The following FOXN2 variants were observed in gnomAD, a reference collection of about 807,000 sequenced individuals.
The protein encoded by FOXN2 is forkhead box protein N2.
FOXN2 carries 19 observed loss-of-function variants against 41.2 expected under a neutral mutation model. The ratio of observed to expected loss-of-function variants is 0.46; its 90% confidence interval spans 0.32 to 0.68. The LOEUF is 0.68. Ranked by LOEUF, FOXN2 falls within the 30% of genes least tolerant of loss-of-function variation. The pLI is 0.03. For synonymous variants in FOXN2, 195 were observed against 176.8 expected (o/e 1.10, Z -0.82); for missense variants, 587 against 509.4 (o/e 1.15, Z -1.47).
chr2:48,321,306 T>A (rs189521106), intron 1 of FOXN2, among the ~76,000 whole-genome samples: 69 of 152,150 alleles, frequency 4.5e-4, no homozygotes, highest in African/African-American at 1.6e-3. Context: ...GAGGCCAGGG[T>A]GGGCGGATCA....
intron 1 of FOXN2, among the ~76,000 whole-genome samples, chr2:48,318,264 C>CT (rs376770977): frequency 3.9e-5 from 6 of 152,032 alleles, no homozygotes; most frequent in South Asian, 2.1e-4. Flanking sequence ...TCCCTAATGT[C>CT]TTTTTTTTGT....
At chr2:48,331,027 CAG>C (rs769945385) in intron 2 of FOXN2, among the ~76,000 whole-genome samples, 13 of 152,140 alleles carry the variant, frequency 8.5e-5, no homozygotes, top group Non-Finnish European at 2.9e-5. Context: ...GTAGAAATAA[CAG>C]ATGGCATGGT....
At chr2:48,321,635 G>C (rs1255736986) in intron 1 of FOXN2, among the ~76,000 whole-genome samples, 3 of 151,862 alleles carry the variant, frequency 2.0e-5, no homozygotes, top group Non-Finnish European at 4.4e-5. Flanking sequence ...GTATTATTTA[G>C]TACATTTTAT....
At position 48,375,472 on chromosome 2, in the gene FOXN2, C is replaced by T. The variant is rs1255284697; in HGVS notation, c.*29C>T. 3.9e-6 allele frequency: 6 copies of T among 1,556,154 alleles called. No individual in the cohort carries two copies. Among genetic ancestry groups the T allele is most frequent in the African/African-American group, 1.4e-5 (1 of 73,132 alleles). On this transcript the variant is annotated 3_prime_UTR_variant, in exon 7 of 7. Coordinates refer to ENST00000340553, the MANE Select transcript of FOXN2 (RefSeq NM_002158.4). The stretch of plus-strand genomic sequence containing the variant: ...TACTTAAAGTGTGGCAATACTCTTT[C>T]ACTTAATTCTTTACAAGGGATATCA...
At chr2:48,330,957 C>T (rs1392514183) in intron 2 of FOXN2, among the ~76,000 whole-genome samples, 1 of 152,148 alleles carries the variant, frequency 6.6e-6, no homozygotes, top group Non-Finnish European at 1.5e-5. Context: ...CGGCTACAGT[C>T]TTCCTCAGGC....
intron 1 of FOXN2, among the ~76,000 whole-genome samples, chr2:48,323,369 C>A (rs1056373523): frequency 6.6e-6 from 1 of 152,074 alleles, no homozygotes; most frequent in South Asian, 2.1e-4. Flanking sequence ...TATGCGCATT[C>A]CCCCTTTCTC....
intron 2 of FOXN2, among the ~76,000 whole-genome samples, chr2:48,343,834 A>G (rs1670922889): frequency 6.6e-6 from 1 of 152,142 alleles, no homozygotes; most frequent in African/African-American, 2.4e-5. Context: ...TGAACTAAGG[A>G]GTAGTTCAGA....
intron 2 of FOXN2, among the ~76,000 whole-genome samples, chr2:48,343,756 C>G (rs575224337): frequency 7.6e-5 from 11 of 144,864 alleles, no homozygotes; most frequent in African/African-American, 2.9e-4. Flanking sequence ...GAGACCCTGT[C>G]TCTTTAAAAA....
At chr2:48,338,048 T>C (rs1230985050) in intron 2 of FOXN2, among the ~76,000 whole-genome samples, 1 of 152,156 alleles carries the variant, frequency 6.6e-6, no homozygotes, top group Non-Finnish European at 1.5e-5. Flanking sequence ...TTATGAAAAT[T>C]AATCATGTAC....
chr2:48,346,108 T>C (rs1294695230), intron 2 of FOXN2, 93 bp from the exon 3 acceptor site: 3 of 1,106,248 alleles, frequency 2.7e-6, no homozygotes, highest in East Asian at 4.8e-5. Flanking sequence ...TTGCAAAATT[T>C]CTCTGATTTG....
rs75755358 is a variant in FOXN2 at position 48,316,409 on chromosome 2, T to C, written c.-157+1595T>C. Among the ~76,000 whole-genome samples the C allele has an allele frequency of 6.3e-3, 963 of 152,340 alleles. 6 individuals carry two copies. Among genetic ancestry groups the C allele is most frequent in the Non-Finnish European group, 0.011 (728 of 68,022 alleles). ...TGAGAGATTCTAATGCAATCAGAAG[T>C]AATTGCATTATCTGGATTTCTTTTT... On this transcript the variant is annotated intron_variant, in intron 1 of 6. Transcript: ENST00000340553.
chr2:48,339,395 A>AG (rs1171953291), intron 2 of FOXN2, among the ~76,000 whole-genome samples: 1 of 152,128 alleles, frequency 6.6e-6, no homozygotes, highest in African/African-American at 2.4e-5. Context: ...TGGTTTTATA[A>AG]GGGGCTTTTC....
chr2:48,354,916 A>G (rs188652911), intron 3 of FOXN2, among the ~76,000 whole-genome samples: 1 of 152,306 alleles, frequency 6.6e-6, no homozygotes, highest in African/African-American at 2.4e-5. Context: ...AGAATTCAAA[A>G]ATTTTAAATA....
At chr2:48,365,532 CT>C (rs2104493149) in intron 5 of FOXN2, among the ~76,000 whole-genome samples, 1 of 152,288 alleles carries the variant, frequency 6.6e-6, no homozygotes, top group East Asian at 1.9e-4. Context: ...CAAATTCTTT[CT>C]TTCTTTGGGG....
At chr2:48,367,158 A>G (rs552711810) in intron 5 of FOXN2, among the ~76,000 whole-genome samples, 179 of 152,288 alleles carry the variant, frequency 1.2e-3, no homozygotes, top group Non-Finnish European at 2.0e-3. Context: ...TGTATAATAG[A>G]TAGCAGGAGA....
At chr2:48,314,865 G>T (rs964558177) in intron 1 of FOXN2, 51 bp downstream of exon 1, 1 of 151,910 alleles carries the variant, frequency 6.6e-6, no homozygotes, top group Admixed American at 6.6e-5. Context: ...CCCCGCCCCA[G>T]CCCGCGGCGC....
rs1207304651 is a variant in FOXN2, at chr2:48,319,069, A to C, written c.-157+4255A>C. On this transcript the variant is annotated intron_variant, in intron 1 of 6. Coordinates refer to ENST00000340553, the MANE Select transcript of FOXN2 (RefSeq NM_002158.4). ...TTACTGTTAACTATCTTCCTATCTT[A>C]AAAATGTTTACAGGTGTTAGAAGAA... Among the ~76,000 whole-genome samples the C allele has an allele frequency of 2.6e-5, 4 of 152,280 alleles. No homozygotes were observed. In the East Asian group the frequency reaches 7.7e-4, roughly 29 times the overall value.
intron 2 of FOXN2, among the ~76,000 whole-genome samples, 155 bp downstream of exon 2, chr2:48,328,857 G>A (rs114772105): frequency 6.6e-6 from 1 of 152,062 alleles, no homozygotes; most frequent in South Asian, 2.1e-4. Flanking sequence ...TTTACTCTAA[G>A]AGCTGTAGTG....
rs1673338621 is a variant in FOXN2, at chr2:48,377,703, A to C, written c.*2260A>C. On this transcript the variant is annotated 3_prime_UTR_variant, in exon 7 of 7. Transcript: ENST00000340553. The stretch of plus-strand genomic sequence containing the variant: ...ATAAACACTTGTGCACTGAAAGCTA[A>C]CAGGGAGAGGTTACACAATATTTTA... The C allele has an allele frequency of 6.6e-6, 1 of 152,096 alleles. No individual in the cohort carries two copies. Among genetic ancestry groups the C allele is most frequent in the South Asian group, 2.1e-4 (1 of 4,836 alleles). The allele number at this position is 152,096 out of a possible 1,614,324, so 9.4% of individuals were successfully genotyped here. A position where few individuals can be genotyped will look rare whatever the true frequency, so the allele number is the denominator to read the frequency against.
Sources: gnomAD v4.1 joint callset for allele counts (sites outside exome capture counted in the v4.1 genomes callset) on GRCh38, gnomAD v4.1.1 for gene constraint, MANE v1.5 for transcripts, NCBI Gene and HGNC (gene_info 2026-07-23, HGNC 2026-07-21) for gene names.